The following TMEM26 variants were observed in gnomAD, a reference collection of about 807,000 sequenced individuals.
TMEM26 encodes the protein transmembrane protein 26.
A neutral mutation model predicts 28.8 loss-of-function variants in TMEM26; 38 were observed. That is an observed-to-expected ratio of 1.32 (90% CI 1.02 to 1.73). TMEM26 has a LOEUF of 1.73. Ranked by LOEUF, TMEM26 falls within the 40% of genes most tolerant of loss-of-function variation. TMEM26 has a pLI of 0.00. For missense variants in TMEM26, 518 were observed against 447.1 expected (o/e 1.16, Z -1.43); for synonymous variants, 227 against 182.9 (o/e 1.24, Z -1.95).
chr10:61,415,368 T>C (rs1472352130), intron 4 of TMEM26, among the ~76,000 whole-genome samples: 1 of 152,122 alleles, frequency 6.6e-6, no homozygotes, highest in Admixed American at 6.6e-5. Context: ...ATGCAGACTG[T>C]AGCTTTTCCC....
intron 1 of TMEM26, among the ~76,000 whole-genome samples, chr10:61,444,589 G>C (rs1840148455): frequency 6.7e-6 from 1 of 149,048 alleles, no homozygotes; most frequent in Non-Finnish European, 1.5e-5. Context: ...TCCCTACATT[G>C]TGTTCTAAGC....
At chr10:61,442,861 G>A (rs960806647) in intron 1 of TMEM26, among the ~76,000 whole-genome samples, 1 of 152,106 alleles carries the variant, frequency 6.6e-6, no homozygotes, top group African/African-American at 2.4e-5. Flanking sequence ...GTGTGTAAGG[G>A]GAATATGATG....
At chr10:61,423,969 G>A (rs1285856994) in intron 4 of TMEM26, among the ~76,000 whole-genome samples, 1 of 152,024 alleles carries the variant, frequency 6.6e-6, no homozygotes, top group Admixed American at 6.6e-5. Flanking sequence ...CTGGTAAAGG[G>A]CATCTATACA....
At chr10:61,442,037 TTTTGTTTTA>T (rs1394134460) in intron 1 of TMEM26, among the ~76,000 whole-genome samples, 4 of 147,666 alleles carry the variant, frequency 2.7e-5, no homozygotes, top group African/African-American at 1.1e-4. Context: ...AATTCATTTG[TTTTGTTTTA>T]TTTGTTTATG....
At chr10:61,447,171 C>G (rs1164677362) in intron 1 of TMEM26, among the ~76,000 whole-genome samples, 1 of 152,314 alleles carries the variant, frequency 6.6e-6, no homozygotes, top group Middle Eastern at 3.4e-3. Context: ...TTTCAAATCC[C>G]TCTATCTCAT....
At chr10:61,413,982 A>C in intron 4 of TMEM26, 1 of 987,016 alleles carries the variant, frequency 1.0e-6, no homozygotes, top group Non-Finnish European at 1.2e-6. Context: ...AAGATTAAAA[A>C]CTCAACATTG....
chr10:61,448,826 C>T (rs1840228454), intron 1 of TMEM26, among the ~76,000 whole-genome samples: 1 of 152,128 alleles, frequency 6.6e-6, no homozygotes, highest in Non-Finnish European at 1.5e-5. Context: ...GGGAAGAAAA[C>T]TCAGTGCTTA....
chr10:61,410,474 A>C lies in TMEM26; in HGVS notation c.955T>G (p.Ser319Ala). 1.9e-6 allele frequency: 3 copies of C among 1,614,064 alleles called. No individual in the cohort carries two copies. Among genetic ancestry groups the C allele is most frequent in the Non-Finnish European group, 2.5e-6 (3 of 1,180,012 alleles). ...LAVRASLRSQ[S>A]EGLKGEHGCR... ...CCATGTTCTCCTTTCAGGCCTTCTG[A>C]CTGACTTCTCAACGAAGCACGGACT... The change falls in exon 6 of 6, where the codon TCA becomes GCA. Residue 319 changes from serine to alanine, a missense_variant. By Grantham distance (99) the Ser-to-Ala change is moderately conservative. Transcript: ENST00000399298.
intron 4 of TMEM26, among the ~76,000 whole-genome samples, chr10:61,427,487 G>A (rs1229358557): frequency 1.3e-5 from 2 of 152,006 alleles, no homozygotes; most frequent in Admixed American, 1.3e-4. Context: ...GTTCATTTGG[G>A]TTGTTTGTTT....
At position 61,441,956 on chromosome 10, in the gene TMEM26, T is replaced by C. The variant is rs755572071; in HGVS notation, c.192-5708A>G. ...GCTCTTAGCCTACCTACCAATTCTC[T>C]CCCAAGTACACAAGCAGGAGCACCA... On this transcript the variant is annotated intron_variant, in intron 1 of 5. Coordinates refer to ENST00000399298, the MANE Select transcript of TMEM26 (RefSeq NM_178505.8). 4.7e-4 allele frequency among the ~76,000 whole-genome samples: 71 copies of C among 152,144 alleles called. 1 individual carries two copies. Among genetic ancestry groups the C allele is most frequent in the Non-Finnish European group, 7.8e-4 (53 of 68,014 alleles).
At chr10:61,421,820 C>T (rs1441561088) in intron 4 of TMEM26, among the ~76,000 whole-genome samples, 5 of 152,008 alleles carry the variant, frequency 3.3e-5, no homozygotes, top group African/African-American at 1.2e-4. Flanking sequence ...TGGTATTTTG[C>T]TATAATAGCC....
intron 1 of TMEM26, among the ~76,000 whole-genome samples, chr10:61,451,837 A>G (rs1443317822): frequency 2.6e-5 from 4 of 152,186 alleles, no homozygotes; most frequent in Non-Finnish European, 2.9e-5. Context: ...CAGGAAATAC[A>G]AAGCCTTTTG....
At chr10:61,415,058 A>C in intron 4 of TMEM26, 1 of 985,308 alleles carries the variant, frequency 1.0e-6, no homozygotes, top group East Asian at 1.1e-4. Flanking sequence ...GTGGACATTG[A>C]TGGAAGGCTT....
At chr10:61,420,634 T>C (rs941581285) in intron 4 of TMEM26, among the ~76,000 whole-genome samples, 1 of 151,778 alleles carries the variant, frequency 6.6e-6, no homozygotes, top group African/African-American at 2.4e-5. Flanking sequence ...CCTCAAATTA[T>C]ATATATATGA....
chr10:61,426,762 A>C (rs926382766), intron 4 of TMEM26, among the ~76,000 whole-genome samples: 5 of 152,090 alleles, frequency 3.3e-5, no homozygotes, highest in African/African-American at 1.2e-4. Context: ...ATGTATTAAG[A>C]TTATTCTCCA....
intron 4 of TMEM26, chr10:61,414,382 G>A (rs1041145900): frequency 1.3e-5 from 2 of 152,028 alleles, no homozygotes; most frequent in East Asian, 3.9e-4. Context: ...TCCATCAAAA[G>A]AGATTTTCAG....
chr10:61,441,626 G>A (rs549290683), intron 1 of TMEM26, among the ~76,000 whole-genome samples: 2 of 152,220 alleles, frequency 1.3e-5, no homozygotes, highest in East Asian at 3.9e-4. Context: ...TTTATATCAC[G>A]TTTCTGGATA....
intron 4 of TMEM26, among the ~76,000 whole-genome samples, chr10:61,418,108 T>C (rs552718953): frequency 2.6e-5 from 4 of 151,616 alleles, no homozygotes; most frequent in Non-Finnish European, 5.9e-5. Context: ...GTTAAATAGA[T>C]GAGGAAAAAT....
intron 2 of TMEM26, among the ~76,000 whole-genome samples, chr10:61,435,874 A>G (rs374659098): frequency 6.6e-6 from 1 of 152,218 alleles, no homozygotes; most frequent in African/African-American, 2.4e-5. Flanking sequence ...ACCCCCATGT[A>G]AACTCTACCA....
Sources: allele counts gnomAD v4.1 joint callset (sites outside exome capture counted in the v4.1 genomes callset), GRCh38; gene constraint gnomAD v4.1.1; transcripts MANE v1.5; gene names NCBI Gene and HGNC (gene_info 2026-07-23, HGNC 2026-07-21).